NFIB: variants seen among roughly 807,000 people sequenced by gnomAD.
The protein encoded by NFIB is nuclear factor 1 B-type.
In NFIB, 11 loss-of-function variants were observed where a neutral mutation model predicts 61.5. That is an observed-to-expected ratio of 0.18 (90% confidence interval 0.11 to 0.30). NFIB has a LOEUF of 0.30. Among genes scored for constraint, NFIB ranks in the 10% least tolerant of loss-of-function variants. The pLI, the probability that NFIB is intolerant of heterozygous loss-of-function variation, is 1.00. For missense variants in NFIB, 471 were observed against 608.9 expected (o/e 0.77, Z 2.38); for synonymous variants, 260 against 216.5 (o/e 1.20, Z -1.76).
the NFIB span, among the ~76,000 whole-genome samples, chr9:14,452,118 C>G: frequency 6.6e-6 from 1 of 152,120 alleles, no homozygotes; most frequent in Non-Finnish European, 1.5e-5. Flanking sequence ...TTTCTGGTCT[C>G]ATAAAGCCTT....
the NFIB span, among the ~76,000 whole-genome samples, chr9:14,487,581 A>G: frequency 1.3e-5 from 2 of 151,016 alleles, no homozygotes; most frequent in African/African-American, 5.0e-5. Context: ...TCAAAGAGAG[A>G]TGATAACTGG....
rs186603574 is a variant in NFIB, at chr9:14,256,980, T to C, written c.562+50009A>G. 7.2e-5 allele frequency among the ~76,000 whole-genome samples: 11 copies of C among 152,318 alleles called. No individual in the cohort carries two copies. The East Asian group carries it at 1.9e-3, about 27-fold the overall frequency. On this transcript the variant is annotated intron_variant, in intron 2 of 10. Coordinates refer to ENST00000380953, the MANE Select transcript of NFIB (RefSeq NM_001190737.2). ...AACTAAGCAGAGGTGAGAGCCAAGA[T>C]GCCTTTCTATGGCCTAGAGCACAAG...
chr9:14,400,891 T>A (rs1339457458), upstream of NFIB, among the ~76,000 whole-genome samples: 1 of 152,218 alleles, frequency 6.6e-6, no homozygotes, highest in Non-Finnish European at 1.5e-5. Context: ...GGCAATGGCT[T>A]GGCAAAGGCC....
chr9:14,340,976 G>C (rs1018798623), intron 1 of NFIB, among the ~76,000 whole-genome samples: 6 of 152,104 alleles, frequency 3.9e-5, no homozygotes, highest in African/African-American at 1.4e-4. Flanking sequence ...GTTAATACTC[G>C]TTGTACCCAT....
the NFIB span, among the ~76,000 whole-genome samples, chr9:14,497,491 T>G: frequency 1.3e-5 from 2 of 152,206 alleles, no homozygotes; most frequent in Non-Finnish European, 2.9e-5. Flanking sequence ...TCTCTGATTT[T>G]AAGAAGGAAG....
the NFIB span, among the ~76,000 whole-genome samples, chr9:14,414,088 G>A: frequency 6.6e-6 from 1 of 152,128 alleles, no homozygotes; most frequent in Non-Finnish European, 1.5e-5. Context: ...CCTCTCGGAA[G>A]TCTAGTGAGG....
rs199823041 is a variant in NFIB at position 14,225,478 on chromosome 9, AAAGAAG to A, written c.563-45704_563-45699del. Among the ~76,000 whole-genome samples, 402 of 84,468 alleles carry A rather than the reference AAAGAAG, an allele frequency of 4.8e-3. 18 individuals are homozygous for A. The highest frequency in any genetic ancestry group is 0.019 in the African/African-American group (370 of 19,546). 55.4% of individuals were successfully genotyped at this position (84,468 alleles called of 152,430 possible). Reference sequence around the variant, plus strand: ...TCTCAAAAAAAAAAAAAAAAAAAAAAAAGAAGAAGAAGAAAATAGGTAATATGATAG... The same window carrying A: ...TCTCAAAAAAAAAAAAAAAAAAAAAAAAGAAGAAAATAGGTAATATGATAG... On this transcript the variant is annotated intron_variant, in intron 2 of 10. Coordinates refer to ENST00000380953, the MANE Select transcript of NFIB (RefSeq NM_001190737.2).
chr9:14,262,872 G>T (rs1305931990), intron 2 of NFIB, among the ~76,000 whole-genome samples: 1 of 152,006 alleles, frequency 6.6e-6, no homozygotes, highest in Non-Finnish European at 1.5e-5. Context: ...CTGTTTCTCT[G>T]GTCCTTTTTC....
chr9:14,290,869 C>T (rs549506707), intron 2 of NFIB, among the ~76,000 whole-genome samples: 1 of 152,164 alleles, frequency 6.6e-6, no homozygotes, highest in South Asian at 2.1e-4. Context: ...ATTCATTCAA[C>T]AAATACATAT....
chr9:14,357,879 G>T (rs2132936296), intron 1 of NFIB: 1 of 152,296 alleles, frequency 6.6e-6, no homozygotes, highest in African/African-American at 2.4e-5. Context: ...AGTAAGAGAA[G>T]CCTGTCACAA....
At chr9:14,350,877 C>A (rs2061100902) in intron 1 of NFIB, among the ~76,000 whole-genome samples, 1 of 152,096 alleles carries the variant, frequency 6.6e-6, no homozygotes, top group Admixed American at 6.6e-5. Context: ...AATATTGGCA[C>A]AAAGCTGTTT....
the NFIB span, among the ~76,000 whole-genome samples, chr9:14,469,202 C>A: frequency 6.6e-6 from 1 of 152,110 alleles, no homozygotes; most frequent in Non-Finnish European, 1.5e-5. Flanking sequence ...GCAAACTGAA[C>A]CTAGTAGGGC....
chr9:14,111,046 A>G (rs1264414275), intron 10 of NFIB, among the ~76,000 whole-genome samples: 1 of 152,132 alleles, frequency 6.6e-6, no homozygotes, highest in Non-Finnish European at 1.5e-5. Context: ...TTGACTGAAC[A>G]AAACGTATTC....
At chr9:14,252,167 C>A (rs2055703991) in intron 2 of NFIB, among the ~76,000 whole-genome samples, 2 of 152,112 alleles carry the variant, frequency 1.3e-5, no homozygotes, top group African/African-American at 4.8e-5. Flanking sequence ...ACTTTTTAAT[C>A]TTTCTTCCTC....
intron 6 of NFIB, among the ~76,000 whole-genome samples, chr9:14,138,535 T>C (rs117438860): frequency 0.017 from 2,652 of 152,084 alleles, 47 homozygotes; most frequent in Middle Eastern, 0.071. Context: ...AAATTGATAA[T>C]AGTACTGTGA....
At chr9:14,382,866 T>C (rs144564305) in intron 1 of NFIB, among the ~76,000 whole-genome samples, 122 of 151,870 alleles carry the variant, frequency 8.0e-4, no homozygotes, top group African/African-American at 2.8e-3. Context: ...AGCAAGCAAA[T>C]AAAGCAAGGG....
At chr9:14,514,398 AG>A in the NFIB span, among the ~76,000 whole-genome samples, 1 of 151,916 alleles carries the variant, frequency 6.6e-6, no homozygotes, top group African/African-American at 2.4e-5. Context: ...TTTTCCAAAA[AG>A]TAGTTTACTG....
intron 1 of NFIB, among the ~76,000 whole-genome samples, chr9:14,358,386 C>A (rs1433684238): frequency 6.6e-6 from 1 of 152,042 alleles, no homozygotes; most frequent in South Asian, 2.1e-4. Context: ...GCTTAAAAAG[C>A]CAGATTTTAT....
the NFIB span, among the ~76,000 whole-genome samples, chr9:14,505,524 C>T: frequency 1.3e-5 from 2 of 152,118 alleles, no homozygotes; most frequent in African/African-American, 4.8e-5. Context: ...TAGGGGTCAC[C>T]CCCTGATAAC....
Sources: allele counts gnomAD v4.1 joint callset (sites outside exome capture counted in the v4.1 genomes callset), GRCh38; gene constraint gnomAD v4.1.1; transcripts MANE v1.5; gene names NCBI Gene and HGNC (gene_info 2026-07-23, HGNC 2026-07-21).